Variants in PPP2R2C observed in about 807,000 individuals in gnomAD.
PPP2R2C encodes the protein protein phosphatase 2 regulatory subunit Bgamma, also known as protein phosphatase 2, regulatory subunit B, gamma.
PPP2R2C carries 10 observed loss-of-function variants against 45.3 expected under a neutral mutation model. The ratio of observed to expected loss-of-function variants is 0.22; its 90% CI spans 0.14 to 0.37. The LOEUF (loss-of-function observed/expected upper bound fraction) is 0.37. PPP2R2C is among the 10% of genes least tolerant of loss of function. The pLI, the probability that PPP2R2C is intolerant of heterozygous loss-of-function variation, is 1.00. For synonymous variants in PPP2R2C, 257 were observed against 245.4 expected, an observed-to-expected ratio of 1.05 and a Z score of -0.44; for missense variants, 308 against 619.7, an observed-to-expected ratio of 0.50 and a Z score of 5.34.
intron 1 of PPP2R2C, among the ~76,000 whole-genome samples, chr4:6,561,639 A>G (rs1725581501): frequency 6.6e-6 from 1 of 151,774 alleles, no homozygotes; most frequent in African/African-American, 2.4e-5. Context: ...ACACACAGAC[A>G]CACCTATACA....
intron 2 of PPP2R2C, among the ~76,000 whole-genome samples, chr4:6,528,826 T>C (rs1205937281): frequency 1.3e-5 from 2 of 152,152 alleles, no homozygotes; most frequent in African/African-American, 2.4e-5. Flanking sequence ...CCCCCACTCC[T>C]GCCCGCCAGA....
At chr4:6,426,867 CA>C (rs1254933910) in intron 1 of PPP2R2C, among the ~76,000 whole-genome samples, 1 of 152,258 alleles carries the variant, frequency 6.6e-6, no homozygotes. Context: ...TCTTGCTCCC[CA>C]AGTTTTGCAC....
At chr4:6,540,043 T>C (rs1724760146) in intron 1 of PPP2R2C, among the ~76,000 whole-genome samples, 1 of 152,244 alleles carries the variant, frequency 6.6e-6, no homozygotes, top group Non-Finnish European at 1.5e-5. Context: ...TTAAAGCATA[T>C]GCAGTCTTTA....
In PPP2R2C at chr4:6,326,116, T is replaced by C. The variant is rs574321521; in HGVS notation, c.1053-2523A>G. 1.5e-4 allele frequency among the ~76,000 whole-genome samples: 23 copies of C among 152,302 alleles called. No homozygotes were observed. In the South Asian group the frequency reaches 3.3e-3, roughly 22 times the overall value. ...CTGATTGGTGCAAAAAGTGGGCAAG[T>C]GACCCACACAGAGCCAATCAGATCC... On this transcript the variant is annotated intron_variant, in intron 8 of 8. Transcript: ENST00000382599.
Position 6,469,001 on chromosome 4 carries a change from G to T in PPP2R2C, c.70+3159C>A, listed in dbSNP as rs756445623. Among the ~76,000 whole-genome samples the T allele has an allele frequency of 1.4e-3, 200 of 139,734 alleles. 2 individuals are homozygous for T. The highest frequency in any genetic ancestry group is 1.8e-3 in the Non-Finnish European group (120 of 66,776). 91.7% of individuals were successfully genotyped at this position (139,734 alleles called of 152,430 possible). On this transcript the variant is annotated intron_variant, in intron 1 of 8. Coordinates refer to ENST00000382599, the MANE Select transcript of PPP2R2C (RefSeq NM_020416.4). ...AGTTCTCTGTGCCCCCAGGTGGCCT[G>T]CAGGTACACCTAATCATCACCATAA...
chr4:6,344,954 C>T (rs1171538123), intron 6 of PPP2R2C, among the ~76,000 whole-genome samples: 1 of 152,150 alleles, frequency 6.6e-6, no homozygotes. Flanking sequence ...CAAAAGGACG[C>T]CGAATAGATT....
intron 2 of PPP2R2C, among the ~76,000 whole-genome samples, chr4:6,501,866 A>C (rs1723066502): frequency 1.3e-5 from 2 of 152,222 alleles, no homozygotes; most frequent in Non-Finnish European, 2.9e-5. Context: ...CCATAAGGAG[A>C]GAGACCCAGT....
At position 6,364,843 on chromosome 4, in the gene PPP2R2C, G is replaced by GA. The variant is rs1714139093; in HGVS notation, c.625+7679_625+7680insT. Among the ~76,000 whole-genome samples the GA allele has an allele frequency of 6.6e-6, 1 of 152,246 alleles. No individual in the cohort carries two copies. The highest frequency in any genetic ancestry group is 2.1e-4 in the South Asian group (1 of 4,822). On this transcript the variant is annotated intron_variant, in intron 5 of 8. Coordinates refer to ENST00000382599, the MANE Select transcript of PPP2R2C (RefSeq NM_020416.4). This position sits in a 1 kb window ranked among gnomAD's most constrained non-coding sequence, Gnocchi z 5.3. ...GACAGTGGCCTAAACACATGCTGGG[G>GA]GCAGACAGGCAGGTGGGCTCTGGGT...
At chr4:6,511,732 GAGGTGATGGTGGTGATGGCAA>G (rs1723541004) in intron 2 of PPP2R2C, among the ~76,000 whole-genome samples, 1 of 50,950 alleles carries the variant, frequency 2.0e-5, no homozygotes. Flanking sequence ...GATGGTGGTG[GAGGTGATGGTGGTGATGGCAA>G]TGGTGGTGGT....
chr4:6,391,411 C>T (rs912079734), intron 1 of PPP2R2C, among the ~76,000 whole-genome samples: 3 of 152,224 alleles, frequency 2.0e-5, no homozygotes, highest in Non-Finnish European at 4.4e-5. Context: ...CACATTGAAT[C>T]CTCTGCACAC....
chr4:6,355,266 G>A (rs574184206), intron 5 of PPP2R2C, among the ~76,000 whole-genome samples: 1 of 152,182 alleles, frequency 6.6e-6, no homozygotes, highest in Admixed American at 6.5e-5. Context: ...GCAGGAGGTT[G>A]CAAACCATCT....
intron 1 of PPP2R2C, among the ~76,000 whole-genome samples, chr4:6,454,077 G>A (rs1414727460): frequency 3.3e-5 from 5 of 152,210 alleles, no homozygotes; most frequent in African/African-American, 1.2e-4. Context: ...ATGGCATGGA[G>A]AGAGGGACCC....
At chr4:6,543,747 C>T (rs953474257) in intron 1 of PPP2R2C, among the ~76,000 whole-genome samples, 5 of 152,166 alleles carry the variant, frequency 3.3e-5, no homozygotes, top group African/African-American at 7.2e-5. Flanking sequence ...TTGCCCTGCC[C>T]GTCCTGCTAC....
intron 1 of PPP2R2C, among the ~76,000 whole-genome samples, chr4:6,427,131 G>A (rs1419107274): frequency 6.6e-6 from 1 of 152,224 alleles, no homozygotes; most frequent in Non-Finnish European, 1.5e-5. Flanking sequence ...AGGTCCTCCT[G>A]CTCACTGCTC....
chr4:6,545,778 A>C (rs1724960031), intron 1 of PPP2R2C, among the ~76,000 whole-genome samples: 1 of 152,222 alleles, frequency 6.6e-6, no homozygotes, highest in African/African-American at 2.4e-5. Flanking sequence ...TTCAGCTGTA[A>C]GGTAAACACA....
At chr4:6,390,393 A>C (rs1716527059) in intron 1 of PPP2R2C, among the ~76,000 whole-genome samples, 1 of 152,192 alleles carries the variant, frequency 6.6e-6, no homozygotes, top group South Asian at 2.1e-4. Flanking sequence ...GAGCAGCTGT[A>C]ATCACCCACC....
intron 2 of PPP2R2C, among the ~76,000 whole-genome samples, chr4:6,491,601 C>T (rs1297275998): frequency 6.6e-6 from 1 of 152,214 alleles, no homozygotes; most frequent in Non-Finnish European, 1.5e-5. Flanking sequence ...TCTATGTCCC[C>T]ACCCAAGTCT....
chr4:6,343,760 C>G (rs1442603278), intron 6 of PPP2R2C, among the ~76,000 whole-genome samples: 1 of 152,102 alleles, frequency 6.6e-6, no homozygotes, highest in African/African-American at 2.4e-5. Flanking sequence ...TAGATTTGCA[C>G]ACAAGTTTTC....
At position 6,421,076 on chromosome 4, in the gene PPP2R2C, G is replaced by A. The variant is rs562968134; in HGVS notation, c.71-39982C>T. ...CTTCCTATTTGGGGTGTCCACAGAA[G>A]TGGAGAGGCCACACCTTTCTCTCTG... On this transcript the variant is annotated intron_variant, in intron 1 of 8. Transcript: ENST00000382599. The A allele has an allele frequency of 1.0e-3, 989 of 985,260 alleles. 15 individuals are homozygous for A. Among genetic ancestry groups the A allele is most frequent in the Admixed American group, 2.1e-3 (34 of 16,276 alleles). The allele number at this position is 985,260 out of a possible 1,614,324, so 61.0% of individuals were successfully genotyped here.
Sources: gnomAD v4.1 joint callset for allele counts (sites outside exome capture counted in the v4.1 genomes callset) on GRCh38, gnomAD v4.1.1 for gene constraint, Gnocchi (gnomAD v3.1) non-coding constraint, MANE v1.5 for transcripts, NCBI Gene and HGNC (gene_info 2026-07-23, HGNC 2026-07-21) for gene names.